TMPRSS4: variants seen among roughly 807,000 people sequenced by gnomAD.
TMPRSS4 encodes transmembrane serine protease 4, also known as transmembrane protease serine 4.
TMPRSS4 carries 45 observed loss-of-function variants against 56.4 expected under a neutral mutation model. That is an observed-to-expected ratio of 0.80 (90% CI 0.63 to 1.02). The LOEUF (loss-of-function observed/expected upper bound fraction) is 1.02, where lower values mean the gene tolerates loss of function less well. TMPRSS4 is among the 50% of genes least tolerant of loss of function. The pLI, the probability that TMPRSS4 is intolerant of heterozygous loss-of-function variation, is 0.00. For synonymous variants in TMPRSS4, 205 were observed against 211.0 expected (o/e 0.97, Z 0.25); for missense variants, 546 against 556.7 (o/e 0.98, Z 0.19).
At chr11:118,117,492 C>T (rs779257678) in intron 12 of TMPRSS4, 38 bp downstream of exon 12, 1 of 1,586,584 alleles carries the variant, frequency 6.3e-7, no homozygotes, top group South Asian at 1.2e-5. Context: ...GCCTTCCCTC[C>T]AGTCCTCTAC....
chr11:118,081,543 A>G (rs1945136421), intron 1 of TMPRSS4, among the ~76,000 whole-genome samples: 1 of 152,248 alleles, frequency 6.6e-6, no homozygotes, highest in Non-Finnish European at 1.5e-5. Flanking sequence ...CTCGAAGGGT[A>G]GCAGATGAAA....
At chr11:118,096,573 C>A (rs1946300890) in intron 2 of TMPRSS4, among the ~76,000 whole-genome samples, 1 of 152,002 alleles carries the variant, frequency 6.6e-6, no homozygotes, top group African/African-American at 2.4e-5. Context: ...ATCACTTGAG[C>A]CCAGGAGTTT....
rs112644124 is a variant in TMPRSS4 at position 118,121,338 on chromosome 11, ACTTCTTCTTCTTCTT to A, written c.*3444_*3458del. On this transcript the variant is annotated 3_prime_UTR_variant, in exon 13 of 13. Transcript: ENST00000437212. ...AGGTAAGTCTAAACACACTCTGTCT[ACTTCTTCTTCTTCTT>A]CTTCTTCTTCTTCTTCTTATTTTGA... The A allele has an allele frequency of 4.7e-5, 7 of 149,666 alleles. No homozygotes were observed. The highest frequency in any genetic ancestry group is 8.9e-5 in the Non-Finnish European group (6 of 67,162). The allele number at this position is 149,666 out of a possible 1,614,324, so 9.3% of individuals were successfully genotyped here.
intron 1 of TMPRSS4, among the ~76,000 whole-genome samples, chr11:118,092,372 G>C (rs551526615): frequency 1.3e-5 from 2 of 152,224 alleles, no homozygotes; most frequent in East Asian, 1.9e-4. Flanking sequence ...CTTGGTGGGT[G>C]GGGGGAAGCC....
At chr11:118,091,158 C>T (rs1040753549) in intron 1 of TMPRSS4, among the ~76,000 whole-genome samples, 1 of 152,146 alleles carries the variant, frequency 6.6e-6, no homozygotes, top group Non-Finnish European at 1.5e-5. Context: ...GTAACTAAAA[C>T]CCAAGCACAC....
rs1947765879 is a variant in TMPRSS4, at chr11:118,120,737, C to A, written c.*2824C>A. On this transcript the variant is annotated 3_prime_UTR_variant, in exon 13 of 13. Transcript: ENST00000437212. ...GAAAACAAGGCCAGGAGCAATGAAG[C>A]CTAGAATGGTAAATTCTAACATATC... is the stretch of plus-strand genomic sequence containing the variant. 1 of 151,992 alleles carries A rather than the reference C, an allele frequency of 6.6e-6. No individual in the cohort carries two copies. The highest frequency in any genetic ancestry group is 1.5e-5 in the Non-Finnish European group (1 of 68,012). 9.4% of individuals were successfully genotyped at this position (151,992 alleles called of 1,614,324 possible).
intron 1 of TMPRSS4, among the ~76,000 whole-genome samples, chr11:118,088,968 G>C (rs961375960): frequency 1.6e-4 from 24 of 152,256 alleles, no homozygotes; most frequent in Admixed American, 3.3e-4. Context: ...CATGGTGATG[G>C]GGTCTGGCTG....
chr11:118,086,367 A>G (rs1438424528), intron 1 of TMPRSS4, among the ~76,000 whole-genome samples: 1 of 152,238 alleles, frequency 6.6e-6, no homozygotes, highest in African/African-American at 2.4e-5. Flanking sequence ...GCTCGGCTCA[A>G]ATTGCCAATA....
chr11:118,081,357 G>A (rs1052965453), intron 1 of TMPRSS4, among the ~76,000 whole-genome samples: 1 of 152,144 alleles, frequency 6.6e-6, no homozygotes, highest in Admixed American at 6.5e-5. Flanking sequence ...GAGCCAATGT[G>A]GCAATCCCCC....
chr11:118,117,513 C>T, intron 12 of TMPRSS4, 59 bp downstream of exon 12: 1 of 1,547,548 alleles, frequency 6.5e-7, no homozygotes, highest in Non-Finnish European at 8.7e-7. Flanking sequence ...CTGGGGGGTG[C>T]CAATCCATCC....
intron 2 of TMPRSS4, among the ~76,000 whole-genome samples, chr11:118,096,898 A>G (rs535607875): frequency 3.6e-5 from 2 of 55,800 alleles, no homozygotes; most frequent in African/African-American, 7.3e-5. Flanking sequence ...AAAGAAAGAA[A>G]GAAAGAAAGA....
chr11:118,078,845 G>A (rs1224758601), intron 1 of TMPRSS4, among the ~76,000 whole-genome samples: 3 of 152,208 alleles, frequency 2.0e-5, no homozygotes, highest in Admixed American at 6.5e-5. Flanking sequence ...CCACGGAAAC[G>A]ATATGACCCA....
chr11:118,089,678 T>C (rs748989692), intron 1 of TMPRSS4, among the ~76,000 whole-genome samples: 7 of 152,154 alleles, frequency 4.6e-5, no homozygotes, highest in Non-Finnish European at 7.3e-5. Context: ...ATTCGACAAA[T>C]ATTGGCTATA....
Position 118,103,091 on chromosome 11 carries a change from T to C in TMPRSS4, c.158-10T>C, listed in dbSNP as rs1166989778. The C allele has an allele frequency of 6.2e-7, 1 of 1,613,832 alleles. No individual in the cohort carries two copies. The highest frequency in any genetic ancestry group is 8.5e-7 in the Non-Finnish European group (1 of 1,179,950). ...AGCCCTCTCTGCCTCTCCCTGCACT[T>C]GCCTTCCAGTCAAGGTGATTCTGGA... On this transcript the variant is annotated splice_polypyrimidine_tract_variant and intron_variant, in intron 3 of 12. Transcript: ENST00000437212.
At chr11:118,124,675 G>A (rs1947855865), downstream of TMPRSS4, among the ~76,000 whole-genome samples, 1 of 152,164 alleles carries the variant, frequency 6.6e-6, no homozygotes. Flanking sequence ...TTATTGATAT[G>A]TCGAGCAGGT....
At chr11:118,097,153 T>A (rs917747653) in intron 2 of TMPRSS4, among the ~76,000 whole-genome samples, 30 of 151,096 alleles carry the variant, frequency 2.0e-4, no homozygotes, top group African/African-American at 6.3e-4. Context: ...GCAATTGCTG[T>A]GGACCAAGCA....
At chr11:118,102,414 G>A (rs978907919) in intron 3 of TMPRSS4, among the ~76,000 whole-genome samples, 1 of 152,130 alleles carries the variant, frequency 6.6e-6, no homozygotes, top group Non-Finnish European at 1.5e-5. Flanking sequence ...TCCATATAAA[G>A]TTGCACAGTA....
chr11:118,097,072 A>G (rs1946442508), intron 2 of TMPRSS4, among the ~76,000 whole-genome samples: 1 of 34,812 alleles, frequency 2.9e-5, no homozygotes, highest in African/African-American at 8.3e-5. Context: ...GAAAGGAGGT[A>G]GTAGAAGGGA....
At chr11:118,125,240 G>A, downstream of TMPRSS4, 1 of 456,606 alleles carries the variant, frequency 2.2e-6, no homozygotes, top group South Asian at 1.5e-5. Flanking sequence ...TTGAATAATG[G>A]AAGATGGGAG....
Sources: allele counts gnomAD v4.1 joint callset (sites outside exome capture counted in the v4.1 genomes callset), GRCh38; gene constraint gnomAD v4.1.1; transcripts MANE v1.5; gene names NCBI Gene and HGNC (gene_info 2026-07-23, HGNC 2026-07-21).